The following PALS2 variants were observed in gnomAD, a reference collection of about 807,000 sequenced individuals.
PALS2 encodes protein PALS2.
PALS2 carries 27 observed loss-of-function variants against 61.6 expected under a neutral mutation model. The ratio of observed to expected loss-of-function variants is 0.44; its 90% CI spans 0.32 to 0.60. The LOEUF (loss-of-function observed/expected upper bound fraction) is 0.60. Ranked by LOEUF, PALS2 falls within the 20% of genes least tolerant of loss-of-function variation. PALS2 has a pLI of 0.05. For synonymous variants in PALS2, 236 were observed against 218.6 expected (o/e 1.08, Z -0.70); for missense variants, 554 against 639.4 (o/e 0.87, Z 1.44).
rs1336328074 is a variant in PALS2, at chr7:24,693,877, T to A, written c.*6263T>A. 1 of 152,170 alleles carries A rather than the reference T, an allele frequency of 6.6e-6. No homozygotes were observed. Among genetic ancestry groups the A allele is most frequent in the Non-Finnish European group, 1.5e-5 (1 of 68,020 alleles). The allele number at this position is 152,170 out of a possible 1,614,324, so 9.4% of individuals were successfully genotyped here. On this transcript the variant is annotated 3_prime_UTR_variant, in exon 12 of 12. Coordinates refer to ENST00000222644, the MANE Select transcript of PALS2 (RefSeq NM_001303037.2). ...AGTATTTGATGTGAAAACCTTGCTG[T>A]GGGAATTTTTTATTCTTCCTTTTCC...
At chr7:24,636,344 T>G (rs1785239125) in intron 2 of PALS2, among the ~76,000 whole-genome samples, 1 of 151,988 alleles carries the variant, frequency 6.6e-6, no homozygotes, top group Admixed American at 6.5e-5. Flanking sequence ...TAGCATGATG[T>G]GTTATCAGAA....
intron 5 of PALS2, among the ~76,000 whole-genome samples, chr7:24,651,290 T>G (rs1786137582): frequency 6.6e-6 from 1 of 152,108 alleles, no homozygotes; most frequent in African/African-American, 2.4e-5. Context: ...AGAAGAGAGA[T>G]GAGATTATGT....
intron 5 of PALS2, among the ~76,000 whole-genome samples, chr7:24,662,768 G>GAAAAAAAAAAAAAAAA (rs59367702): frequency 6.1e-4 from 63 of 102,628 alleles, no homozygotes; most frequent in Non-Finnish European, 1.2e-3. Flanking sequence ...GACTCCATCT[G>GAAAAAAAAAAAAAAAA]AAAAAAAAAA....
At chr7:24,649,510 A>G in intron 3 of PALS2, 102 bp from the exon 4 acceptor site, 2 of 1,099,360 alleles carry the variant, frequency 1.8e-6, no homozygotes, top group Middle Eastern at 3.3e-4. Context: ...TGCCTTGGAA[A>G]TTTTTAGTAC....
Position 24,667,657 on chromosome 7 carries a change from ATTTTTT to A in PALS2, c.953-821_953-816del, listed in dbSNP as rs11284911. ...GAATTTTTCTAGCTTGATTAGATAAATTTTTTTTTTTTTTTTTTTTTTTTTTGAGAC... is the reference window on the plus strand; with the variant it reads ...GAATTTTTCTAGCTTGATTAGATAAATTTTTTTTTTTTTTTTTTTTGAGAC... On this transcript the variant is annotated intron_variant, in intron 8 of 11. Coordinates refer to ENST00000222644, the MANE Select transcript of PALS2 (RefSeq NM_001303037.2). 8.9e-3 allele frequency among the ~76,000 whole-genome samples: 878 copies of A among 98,662 alleles called. 10 individuals carry two copies. The highest frequency in any genetic ancestry group is 0.033 in the African/African-American group (809 of 24,864). The allele number at this position is 98,662 out of a possible 152,430, so 64.7% of individuals were successfully genotyped here.
chr7:24,635,084 C>G (rs1785173809), intron 2 of PALS2, among the ~76,000 whole-genome samples: 1 of 152,170 alleles, frequency 6.6e-6, no homozygotes, highest in Non-Finnish European at 1.5e-5. Flanking sequence ...ATTTTAGAAT[C>G]AGTTTGTCAA....
At chr7:24,627,534 G>C (rs1784799281) in intron 2 of PALS2, among the ~76,000 whole-genome samples, 1 of 151,974 alleles carries the variant, frequency 6.6e-6, no homozygotes, top group African/African-American at 2.4e-5. Flanking sequence ...GAAGGAGATA[G>C]AGACATGAAA....
intron 5 of PALS2, among the ~76,000 whole-genome samples, chr7:24,660,375 C>A (rs1461115773): frequency 6.6e-6 from 1 of 152,156 alleles, no homozygotes; most frequent in African/African-American, 2.4e-5. Flanking sequence ...TCCAGAATTT[C>A]TTCATTCATA....
At chr7:24,623,473 A>G (rs150280215) in intron 1 of PALS2, among the ~76,000 whole-genome samples, 193 bp from the exon 2 acceptor site, 191 of 152,258 alleles carry the variant, frequency 1.3e-3, no homozygotes, top group African/African-American at 4.4e-3. Context: ...CTATCCTGCT[A>G]TTAATTCCTG....
intron 9 of PALS2, 44 bp from the exon 10 acceptor site, chr7:24,679,087 C>T (rs1467060168): frequency 1.9e-6 from 3 of 1,566,758 alleles, no homozygotes; most frequent in Non-Finnish European, 8.8e-7. Context: ...TTTTTTATGC[C>T]CTAAAATTTC....
At chr7:24,666,743 A>C (rs1787038605) in intron 8 of PALS2, 1 of 152,190 alleles carries the variant, frequency 6.6e-6, no homozygotes, top group Admixed American at 6.5e-5. Flanking sequence ...TAAAGCTGAA[A>C]AGATTTTTAA....
At position 24,680,412 on chromosome 7, in the gene PALS2, A is replaced by G; in HGVS notation, c.1338A>G (p.Thr446=). The part of the protein sequence containing the change: ...VNPQALKVLR[T]SEFMPYVVFI... ...CACAGGCACTGAAAGTATTGAGGAC[A>G]TCAGAGTTTATGCCCTATGTGGTAT... Residue 446 remains threonine, a synonymous_variant, in exon 11 of 12, where the codon ACA becomes ACG. Transcript: ENST00000222644. 1 of 1,613,078 alleles carries G rather than the reference A, an allele frequency of 6.2e-7. No individual in the cohort carries two copies. Among genetic ancestry groups the G allele is most frequent in the African/African-American group, 1.3e-5 (1 of 75,032 alleles).
At chr7:24,670,390 A>T (rs192306891) in intron 9 of PALS2, among the ~76,000 whole-genome samples, 1 of 151,638 alleles carries the variant, frequency 6.6e-6, no homozygotes, top group African/African-American at 2.4e-5. Flanking sequence ...TTCTGCTTCA[A>T]TGAGGACTAC....
chr7:24,588,592 A>G (rs2128042489), intron 1 of PALS2, among the ~76,000 whole-genome samples: 1 of 152,324 alleles, frequency 6.6e-6, no homozygotes, highest in South Asian at 2.1e-4. Flanking sequence ...TTTAGTATAT[A>G]AAAAGTTTGA....
At chr7:24,644,681 C>T (rs1785739800) in intron 3 of PALS2, among the ~76,000 whole-genome samples, 1 of 151,894 alleles carries the variant, frequency 6.6e-6, no homozygotes. Flanking sequence ...ATTGCTGGGT[C>T]AAATGGTAGT....
At chr7:24,652,722 C>T (rs1351406453) in intron 5 of PALS2, among the ~76,000 whole-genome samples, 1 of 152,136 alleles carries the variant, frequency 6.6e-6, no homozygotes, top group Admixed American at 6.6e-5. Context: ...GTCTTCAACT[C>T]TTTCACTAAA....
At chr7:24,621,405 A>C (rs1021429653) in intron 1 of PALS2, among the ~76,000 whole-genome samples, 5 of 152,142 alleles carry the variant, frequency 3.3e-5, no homozygotes, top group African/African-American at 1.2e-4. Context: ...AAATGTGAGA[A>C]GCTTGTTGGA....
chr7:24,647,197 A>G (rs1217892331), intron 3 of PALS2, among the ~76,000 whole-genome samples: 2 of 148,916 alleles, frequency 1.3e-5, no homozygotes, highest in African/African-American at 2.5e-5. Context: ...TCCAGGCTGG[A>G]GTGCAGTGGC....
intron 11 of PALS2, among the ~76,000 whole-genome samples, chr7:24,686,860 A>T (rs1298135134): frequency 6.6e-6 from 1 of 152,252 alleles, no homozygotes; most frequent in African/African-American, 2.4e-5. Context: ...TTCCAAAATG[A>T]CTAAAATTAC....
Sources: gnomAD v4.1 joint callset for allele counts (sites outside exome capture counted in the v4.1 genomes callset) on GRCh38, gnomAD v4.1.1 for gene constraint, MANE v1.5 for transcripts, NCBI Gene and HGNC (gene_info 2026-07-23, HGNC 2026-07-21) for gene names.